Variants in ABL2 observed in about 807,000 individuals in gnomAD.
The protein encoded by ABL2 is ABL proto-oncogene 2, non-receptor tyrosine kinase.
A neutral mutation model predicts 107.7 loss-of-function variants in ABL2; 49 were observed. The ratio of observed to expected loss-of-function variants is 0.45; its 90% CI spans 0.36 to 0.58. The LOEUF (loss-of-function observed/expected upper bound fraction) is 0.58, where lower values mean the gene tolerates loss of function less well. ABL2 is among the 20% of genes least tolerant of loss of function. The probability of loss-of-function intolerance (pLI) is 0.00; values close to 1 mark genes in which losing one functional copy is unlikely to be tolerated. For missense variants in ABL2, 1,245 were observed against 1,457.0 expected (o/e 0.85, Z 2.37); for synonymous variants, 549 against 548.6 (o/e 1.00, Z -0.01).
At chr1:179,223,511 G>C (rs1354759316) in intron 1 of ABL2, among the ~76,000 whole-genome samples, 1 of 151,834 alleles carries the variant, frequency 6.6e-6, no homozygotes, top group Non-Finnish European at 1.5e-5. Flanking sequence ...ACTTTACTTG[G>C]AATTTTACTG....
intron 11 of ABL2, among the ~76,000 whole-genome samples, chr1:179,109,685 T>C (rs986322109): frequency 2.0e-5 from 3 of 151,708 alleles, no homozygotes; most frequent in African/African-American, 7.3e-5. Flanking sequence ...TCCCAGCACT[T>C]TGGGGGGCTG....
chr1:179,216,277 T>C (rs1321679340), intron 1 of ABL2, among the ~76,000 whole-genome samples: 1 of 152,244 alleles, frequency 6.6e-6, no homozygotes, highest in Non-Finnish European at 1.5e-5. Flanking sequence ...ATATTTAATG[T>C]GTATTTATCC....
chr1:179,203,187 T>G (rs1030270039), intron 1 of ABL2, among the ~76,000 whole-genome samples: 4 of 152,218 alleles, frequency 2.6e-5, no homozygotes, highest in African/African-American at 7.2e-5. Flanking sequence ...AAAGGAAGAA[T>G]GTAGTATATA....
intron 1 of ABL2, among the ~76,000 whole-genome samples, chr1:179,143,886 C>T (rs1160449291): frequency 6.6e-6 from 1 of 151,432 alleles, no homozygotes; most frequent in Non-Finnish European, 1.5e-5. Context: ...TTAGAAGAGA[C>T]GGGGTTTCAC....
intron 1 of ABL2, among the ~76,000 whole-genome samples, chr1:179,203,389 C>T (rs1445877057): frequency 2.0e-5 from 3 of 152,066 alleles, no homozygotes; most frequent in Non-Finnish European, 4.4e-5. Context: ...AAATTGGAAA[C>T]CAGTTAGTAT....
Position 179,108,782 on chromosome 1 carries a change from C to T in ABL2, c.2485G>A (p.Ala829Thr), listed in dbSNP as rs760193946. The T allele has an allele frequency of 5.6e-6, 9 of 1,614,182 alleles. No individual in the cohort carries two copies. Among genetic ancestry groups the T allele is most frequent in the Admixed American group, 5.0e-5 (3 of 60,028 alleles). Reference sequence around the variant, plus strand: ...GATTTTTTTGGAAGCATGTCATTGGCCCTGTCCACATTCTCTTCTGGCTGA... The same window carrying T: ...GATTTTTTTGGAAGCATGTCATTGGTCCTGTCCACATTCTCTTCTGGCTGA... ...SSQPEENVDR[A>T]NDMLPKKSEE... The change falls in exon 12 of 12, where the codon GCC becomes ACC. Residue 829 changes from alanine (A) to threonine (T), a missense_variant. Coordinates refer to ENST00000502732, the MANE Select transcript of ABL2 (RefSeq NM_007314.4).
At chr1:179,141,694 CCTTT>C (rs1657606386) in intron 1 of ABL2, among the ~76,000 whole-genome samples, 1 of 152,190 alleles carries the variant, frequency 6.6e-6, no homozygotes, top group Non-Finnish European at 1.5e-5. Context: ...TTATTTCCTT[CCTTT>C]CTTCTTTCTT....
At chr1:179,201,788 T>C (rs1661683344) in intron 1 of ABL2, 3 of 923,992 alleles carry the variant, frequency 3.2e-6, no homozygotes, top group Admixed American at 2.0e-5. Context: ...ACAGAATCGG[T>C]TGAGGTGGAC....
At chr1:179,145,240 T>C (rs1657902318) in intron 1 of ABL2, among the ~76,000 whole-genome samples, 2 of 152,192 alleles carry the variant, frequency 1.3e-5, no homozygotes, top group South Asian at 4.1e-4. Flanking sequence ...TGGATGGCTA[T>C]ACAACATTAT....
In ABL2 at chr1:179,187,870, C is replaced by T. The variant is rs576517257; in HGVS notation, c.157+41371G>A. On this transcript the variant is annotated intron_variant, in intron 1 of 11. Transcript: ENST00000502732. ...CAAGAGTTTATTGTCCACAAATCAG[C>T]TAGACTGAACCCTATAAACTCTCCA... 3.9e-5 allele frequency among the ~76,000 whole-genome samples: 6 copies of T among 152,286 alleles called. No homozygotes were observed. In the East Asian group the frequency reaches 1.2e-3, roughly 29 times the overall value.
intron 1 of ABL2, among the ~76,000 whole-genome samples, chr1:179,193,696 G>A (rs193066655): frequency 2.2e-4 from 33 of 151,668 alleles, no homozygotes; most frequent in African/African-American, 7.0e-4. Flanking sequence ...GTGAGCCACC[G>A]TGCCTGGCCT....
rs35137729 is a variant in ABL2, at chr1:179,223,109, C to CAA, written c.157+6130_157+6131dup. On this transcript the variant is annotated intron_variant, in intron 1 of 11. Transcript: ENST00000502732. ...TGGGAGACAGAGCAAGGCTCCCTCT[C>CAA]AAAAAAAAAAAAAAAAAAAAAAGTC... is the stretch of plus-strand genomic sequence containing the variant. Among the ~76,000 whole-genome samples the CAA allele has an allele frequency of 6.8e-3, 469 of 68,870 alleles. 6 individuals are homozygous for CAA. The highest frequency in any genetic ancestry group is 8.6e-3 in the Admixed American group (49 of 5,696). The allele number at this position is 68,870 out of a possible 152,430, so 45.2% of individuals were successfully genotyped here. A position where few individuals can be genotyped will look rare whatever the true frequency, so the allele number is the denominator to read the frequency against.
intron 1 of ABL2, among the ~76,000 whole-genome samples, chr1:179,206,587 A>G (rs904611371): frequency 2.6e-5 from 4 of 151,414 alleles, no homozygotes; most frequent in Admixed American, 6.6e-5. Flanking sequence ...ATCTAGGGGG[A>G]AAAAAAAAGA....
intron 1 of ABL2, among the ~76,000 whole-genome samples, chr1:179,214,341 C>T (rs1662443219): frequency 6.6e-6 from 1 of 151,624 alleles, no homozygotes. Flanking sequence ...ACAACATAAT[C>T]CTAAAGATCT....
At chr1:179,130,883 AC>A (rs1340948917) in intron 3 of ABL2, among the ~76,000 whole-genome samples, 2 of 151,766 alleles carry the variant, frequency 1.3e-5, no homozygotes, top group Non-Finnish European at 2.9e-5. Context: ...GCTTATTCTT[AC>A]CTTTTGAACA....
chr1:179,210,002 GTAGC>G (rs974610717), intron 1 of ABL2, among the ~76,000 whole-genome samples: 6 of 152,074 alleles, frequency 3.9e-5, no homozygotes, highest in Admixed American at 6.6e-5. Flanking sequence ...AGCCTCCCTA[GTAGC>G]TAGGACTACA....
rs879281736 is a variant in ABL2, at chr1:179,107,542, T to C, written c.*176A>G. 1.1e-5 allele frequency: 15 copies of C among 1,314,346 alleles called. No individual in the cohort carries two copies. Among genetic ancestry groups the C allele is most frequent in the Non-Finnish European group, 1.5e-5 (15 of 992,482 alleles). 81.4% of individuals were successfully genotyped at this position (1,314,346 alleles called of 1,614,324 possible). The stretch of plus-strand genomic sequence containing the variant: ...TTTACCTCTCCTATACTTATGTGGT[T>C]TGCTTCTTATTTTTGAGATGAAACT... On this transcript the variant is annotated 3_prime_UTR_variant, in exon 12 of 12. Transcript: ENST00000502732.
At position 179,114,862 on chromosome 1, in the gene ABL2, A is replaced by G; in HGVS notation, c.1561+16T>C. The G allele has an allele frequency of 6.3e-7, 1 of 1,576,784 alleles. No individual in the cohort carries two copies. Among genetic ancestry groups the G allele is most frequent in the Non-Finnish European group, 8.6e-7 (1 of 1,164,288 alleles). ...TAGCTTATGCCTTCAAAATTAAAAC[A>G]TGCAAAAATACTCACATGCTCTCAT... On this transcript the variant is annotated intron_variant, in intron 9 of 11. Coordinates refer to ENST00000502732, the MANE Select transcript of ABL2 (RefSeq NM_007314.4).
chr1:179,184,446 TG>T, intron 1 of ABL2: 1 of 990,004 alleles, frequency 1.0e-6, no homozygotes, highest in Non-Finnish European at 1.5e-6. Context: ...CTTCTTTATC[TG>T]GTTTACTGAC....
Sources: gnomAD v4.1 joint callset for allele counts (sites outside exome capture counted in the v4.1 genomes callset) on GRCh38, gnomAD v4.1.1 for gene constraint, MANE v1.5 for transcripts, NCBI Gene and HGNC (gene_info 2026-07-23, HGNC 2026-07-21) for gene names.